MYO15B: variants seen among roughly 807,000 people sequenced by gnomAD.
MYO15B encodes the protein myosin XVB pseudogene.
Under a neutral mutation model 119.3 loss-of-function variants are expected in MYO15B, and 207 were observed. The observed-to-expected ratio is 1.73, with a 90% CI of 1.55 to 1.95. MYO15B has a LOEUF of 1.95. MYO15B is among the 30% of genes most tolerant of loss of function. MYO15B has a pLI of 0.00. For missense variants in MYO15B, 2,264 were observed against 1,203.1 expected (o/e 1.88, Z -13.04); for synonymous variants, 966 against 498.9 (o/e 1.94, Z -12.48).
At chr17:75,610,728 GC>G in intron 22 of MYO15B, 171 bp from the exon 23 acceptor site, 2 of 612,442 alleles carry the variant, frequency 3.3e-6, no homozygotes, top group Non-Finnish European at 5.9e-6. Context: ...CAGTGCTAAG[GC>G]TGGTGAGGGC....
chr17:75,595,308 C>G (rs1200654281), intron 12 of MYO15B, among the ~76,000 whole-genome samples: 2 of 152,204 alleles, frequency 1.3e-5, no homozygotes, highest in Admixed American at 6.5e-5. Context: ...TCTCTGCTCC[C>G]TTTTCTGGTC....
chr17:75,615,980 G>A (rs1252996516), intron 36 of MYO15B, 89 bp from the exon 37 acceptor site: 1 of 597,414 alleles, frequency 1.7e-6, no homozygotes, highest in Admixed American at 3.0e-5. Flanking sequence ...ACAGGGAAGA[G>A]GCTGCTGGCC....
exon 1 of MYO15B, chr17:75,588,699 C>A (rs1185391522): frequency 5.0e-6 from 2 of 399,422 alleles, no homozygotes; most frequent in African/African-American, 2.1e-5. Context: ...GCGACTGGCC[C>A]CACGCAGATA....
chr17:75,600,217 C>T (rs535465290), intron 14 of MYO15B, among the ~76,000 whole-genome samples: 13 of 151,812 alleles, frequency 8.6e-5, no homozygotes, highest in African/African-American at 3.1e-4. Flanking sequence ...TTAGTAAAGA[C>T]GGGGTTTCAC....
exon 58 of MYO15B, chr17:75,624,635 G>T: frequency 2.8e-6 from 2 of 703,022 alleles, no homozygotes; most frequent in Non-Finnish European, 5.2e-6. Context: ...TCATCAAAGA[G>T]AAGAGTAAGC....
intron 9 of MYO15B, 147 bp from the exon 10 acceptor site, chr17:75,594,328 C>A: frequency 2.0e-6 from 1 of 507,048 alleles, no homozygotes; most frequent in Non-Finnish European, 3.5e-6. Context: ...AAACCATAGC[C>A]TCGCTCCTAA....
At chr17:75,605,137 CAAAAAAA>C (rs369988513) in intron 19 of MYO15B, among the ~76,000 whole-genome samples, 20 of 132,958 alleles carry the variant, frequency 1.5e-4, no homozygotes, top group African/African-American at 5.6e-4. Flanking sequence ...AACTCTGTCT[CAAAAAAA>C]AAAACCAAAA....
At chr17:75,602,945 G>T in exon 17 of MYO15B, 1 of 692,720 alleles carries the variant, frequency 1.4e-6, no homozygotes, top group Non-Finnish European at 2.6e-6. Context: ...CGGCTGGGCA[G>T]GTAAGAACAG....
chr17:75,622,204 C>A (rs556983113), intron 53 of MYO15B, 124 bp downstream of exon 53: 1 of 639,550 alleles, frequency 1.6e-6, no homozygotes, highest in Non-Finnish European at 2.9e-6. Flanking sequence ...GCACCCATTG[C>A]GTGCAGGGGG....
chr17:75,606,543 G>A (rs539378127), intron 21 of MYO15B, among the ~76,000 whole-genome samples: 2 of 150,614 alleles, frequency 1.3e-5, no homozygotes, highest in South Asian at 2.1e-4. Context: ...GTGCGATCTC[G>A]GGTCACTGCA....
intron 53 of MYO15B, 40 bp downstream of exon 53, chr17:75,622,120 C>T (rs1598923224): frequency 1.4e-6 from 1 of 701,270 alleles, no homozygotes; most frequent in African/African-American, 1.7e-5. Context: ...CTGTGCCTGT[C>T]CTCCTGTCTG....
At chr17:75,624,318 T>A (rs1326822663) in intron 56 of MYO15B, 49 bp downstream of exon 56, 4 of 702,330 alleles carry the variant, frequency 5.7e-6, no homozygotes, top group Non-Finnish European at 1.0e-5. Context: ...GGGTGGGGAG[T>A]GTCTCCTACA....
chr17:75,610,418 C>T (rs1046287696), intron 22 of MYO15B, among the ~76,000 whole-genome samples, 159 bp downstream of exon 22: 13 of 152,206 alleles, frequency 8.5e-5, no homozygotes, highest in African/African-American at 1.4e-4. Context: ...TCCCTCCGGC[C>T]GGGGTAGGCC....
At chr17:75,592,245 A>T (rs567840992) in exon 7 of MYO15B, 1 of 702,806 alleles carries the variant, frequency 1.4e-6, no homozygotes, top group Admixed American at 2.0e-5. Flanking sequence ...CAGAGGGGTC[A>T]TCGTGGGAGC....
In MYO15B at chr17:75,592,302, G is replaced by T. The variant is rs1183188369; in HGVS notation, c.2715+1G>T. ...TGAGACCTCCAGGGTGGTGTTTCAG[G>T]TAAAGGCAGCCCTTCTATCCACCCC... On this transcript the variant is annotated splice_donor_variant, in intron 7 of 63. Coordinates refer to ENST00000645453, the Ensembl canonical transcript of MYO15B. LOFTEE classifies it high-confidence loss of function. 2 of 702,870 alleles carry T rather than the reference G, an allele frequency of 2.8e-6. No homozygotes were observed. Among genetic ancestry groups the T allele is most frequent in the Non-Finnish European group, 5.2e-6 (2 of 384,952 alleles). The allele number at this position is 702,870 out of a possible 1,614,324, so 43.5% of individuals were successfully genotyped here. A position where few individuals can be genotyped will look rare whatever the true frequency, so the allele number is the denominator to read the frequency against.
intron 21 of MYO15B, among the ~76,000 whole-genome samples, chr17:75,609,865 G>A (rs1478961674): frequency 6.6e-6 from 1 of 151,676 alleles, no homozygotes; most frequent in East Asian, 2.0e-4. Flanking sequence ...TGTAATTTTT[G>A]TATTTTTAGT....
intron 12 of MYO15B, 117 bp from the exon 13 acceptor site, chr17:75,596,343 A>G: frequency 1.6e-6 from 1 of 632,676 alleles, no homozygotes; most frequent in Non-Finnish European, 2.9e-6. Flanking sequence ...CCTGTTGGCT[A>G]CACAGCATCA....
intron 49 of MYO15B, 138 bp downstream of exon 49, chr17:75,620,774 C>A: frequency 1.4e-6 from 1 of 701,366 alleles, no homozygotes; most frequent in Non-Finnish European, 2.6e-6. Context: ...CCTCTGCCCG[C>A]TCCTGATGGC....
At chr17:75,620,778 T>C in intron 49 of MYO15B, 142 bp downstream of exon 49, 1 of 701,452 alleles carries the variant, frequency 1.4e-6, no homozygotes, top group South Asian at 1.5e-5. Flanking sequence ...TGCCCGCTCC[T>C]GATGGCTCGC....
Sources: allele counts gnomAD v4.1 joint callset (sites outside exome capture counted in the v4.1 genomes callset), GRCh38; gene constraint gnomAD v4.1.1; transcripts MANE v1.5; gene names NCBI Gene and HGNC (gene_info 2026-07-23, HGNC 2026-07-21).